RORA: variants seen among roughly 807,000 people sequenced by gnomAD.
RORA encodes nuclear receptor ROR-alpha.
In RORA, 7 loss-of-function variants were observed where a neutral mutation model predicts 69.5. The ratio of observed to expected loss-of-function variants is 0.10; its 90% CI spans 0.06 to 0.19. RORA has a LOEUF of 0.19. RORA is among the 10% of genes least tolerant of loss of function. The pLI is 1.00. For missense variants in RORA, 457 were observed against 663.0 expected (o/e 0.69, Z 3.41); for synonymous variants, 261 against 240.8 (o/e 1.08, Z -0.78).
intron 1 of RORA, among the ~76,000 whole-genome samples, chr15:61,212,381 C>A (rs908606823): frequency 6.6e-6 from 1 of 152,130 alleles, no homozygotes. Flanking sequence ...TCTGGGCTTA[C>A]AAACGTTCTG....
At chr15:61,014,893 T>C (rs558948594) in intron 1 of RORA, among the ~76,000 whole-genome samples, 1 of 152,300 alleles carries the variant, frequency 6.6e-6, no homozygotes, top group East Asian at 1.9e-4. Flanking sequence ...TTTAAATGCT[T>C]CTGCCTTACC....
intron 1 of RORA, among the ~76,000 whole-genome samples, chr15:60,985,166 A>T (rs1466066035): frequency 6.6e-6 from 1 of 152,236 alleles, no homozygotes; most frequent in African/African-American, 2.4e-5. Flanking sequence ...TAAGGTTTGT[A>T]TCTTTCTTGT....
At chr15:60,960,026 C>T (rs570139905) in intron 1 of RORA, among the ~76,000 whole-genome samples, 53 of 152,136 alleles carry the variant, frequency 3.5e-4, no homozygotes, top group African/African-American at 9.2e-4. Context: ...TTTGAAACCC[C>T]CTAAATAAAT....
intron 1 of RORA, among the ~76,000 whole-genome samples, chr15:61,143,035 T>A (rs1159734216): frequency 6.6e-6 from 1 of 151,964 alleles, no homozygotes. Flanking sequence ...ATAATAAAAA[T>A]TAGAAAGAGA....
At chr15:60,985,650 T>C (rs1011688758) in intron 1 of RORA, among the ~76,000 whole-genome samples, 1 of 136,696 alleles carries the variant, frequency 7.3e-6, no homozygotes, top group African/African-American at 2.8e-5. Context: ...AGTGGCACGA[T>C]CTTGGCTCAC....
intron 1 of RORA, among the ~76,000 whole-genome samples, chr15:60,891,129 A>G (rs1050441245): frequency 2.0e-5 from 3 of 152,248 alleles, no homozygotes; most frequent in African/African-American, 4.8e-5. Flanking sequence ...TAGAGCCTCA[A>G]AAGGACCCTC....
intron 1 of RORA, among the ~76,000 whole-genome samples, chr15:60,936,730 G>A (rs952163712): frequency 6.6e-6 from 1 of 152,246 alleles, no homozygotes; most frequent in Admixed American, 6.5e-5. Flanking sequence ...TTTCCTGTGT[G>A]CTGAGAATTA....
intron 1 of RORA, among the ~76,000 whole-genome samples, chr15:60,884,177 GA>G (rs948165688): frequency 1.3e-5 from 2 of 148,854 alleles, no homozygotes; most frequent in South Asian, 2.1e-4. Flanking sequence ...AAATAGAACA[GA>G]AAAAAAAGGA....
intron 1 of RORA, among the ~76,000 whole-genome samples, chr15:61,216,379 T>C (rs536099862): frequency 1.3e-3 from 195 of 152,314 alleles, no homozygotes; most frequent in African/African-American, 4.6e-3. Flanking sequence ...GCTTGCAAAG[T>C]GCATGTAAAT....
chr15:61,096,054 A>G (rs2078784799), intron 1 of RORA, among the ~76,000 whole-genome samples: 1 of 152,202 alleles, frequency 6.6e-6, no homozygotes. Context: ...GGAAGAAGTG[A>G]GAGGAGCAGG....
At chr15:60,894,902 C>T (rs370257246) in intron 1 of RORA, among the ~76,000 whole-genome samples, 1 of 152,174 alleles carries the variant, frequency 6.6e-6, no homozygotes, top group Non-Finnish European at 1.5e-5. Context: ...AATGAAATCG[C>T]ACAGACACCA....
intron 2 of RORA, chr15:60,627,560 C>T: frequency 7.4e-7 from 1 of 1,347,554 alleles, no homozygotes; most frequent in African/African-American, 1.5e-5. Flanking sequence ...ATCCCAGCCA[C>T]AAAGAATGAG....
chr15:61,137,497 T>G (rs1048170925), intron 1 of RORA, among the ~76,000 whole-genome samples: 2 of 152,226 alleles, frequency 1.3e-5, no homozygotes, highest in Non-Finnish European at 2.9e-5. Context: ...AAATGCCCTC[T>G]TTCCTGGCAG....
chr15:60,546,708 G>A (rs2067080673), intron 2 of RORA, among the ~76,000 whole-genome samples: 2 of 152,252 alleles, frequency 1.3e-5, no homozygotes, highest in Admixed American at 6.5e-5. Context: ...TCCTCAACCC[G>A]AGTTTGCGTA....
At chr15:60,729,182 C>A (rs1266895152) in intron 1 of RORA, among the ~76,000 whole-genome samples, 1 of 152,152 alleles carries the variant, frequency 6.6e-6, no homozygotes. Context: ...CACATCCCCC[C>A]ACCCCACCCC....
intron 1 of RORA, among the ~76,000 whole-genome samples, chr15:60,910,811 T>C (rs1057475467): frequency 1.3e-5 from 2 of 151,898 alleles, no homozygotes; most frequent in African/African-American, 4.8e-5. Context: ...CTGTCAGTCA[T>C]GTCAATATTT....
At chr15:60,685,100 A>G (rs2070721266) in intron 1 of RORA, among the ~76,000 whole-genome samples, 1 of 152,216 alleles carries the variant, frequency 6.6e-6, no homozygotes, top group South Asian at 2.1e-4. Flanking sequence ...TTTATATTAG[A>G]CAAACAGAGA....
chr15:60,529,279 A>C (rs563964304), intron 3 of RORA: 1 of 152,336 alleles, frequency 6.6e-6, no homozygotes, highest in African/African-American at 2.4e-5. Flanking sequence ...GTTATTTACA[A>C]TTGATCATGA....
chr15:60,643,220 A>G (rs1423437909), intron 2 of RORA, among the ~76,000 whole-genome samples: 1 of 152,328 alleles, frequency 6.6e-6, no homozygotes, highest in African/African-American at 2.4e-5. Flanking sequence ...AAATCTTTTT[A>G]TGTATTCTAT....
Sources: gnomAD v4.1 joint callset for allele counts (sites outside exome capture counted in the v4.1 genomes callset) on GRCh38, gnomAD v4.1.1 for gene constraint, MANE v1.5 for transcripts, NCBI Gene and HGNC (gene_info 2026-07-23, HGNC 2026-07-21) for gene names.